DNAH6: variants seen among roughly 807,000 people sequenced by gnomAD.
The protein encoded by DNAH6 is dynein axonemal heavy chain 6.
DNAH6 carries 340 observed loss-of-function variants against 491.4 expected under a neutral mutation model. The ratio of observed to expected loss-of-function variants is 0.69; its 90% CI spans 0.63 to 0.76. The LOEUF (loss-of-function observed/expected upper bound fraction) is 0.76. Ranked by LOEUF, DNAH6 falls within the 30% of genes least tolerant of loss-of-function variation. The pLI is 0.00. For missense variants in DNAH6, 4,443 were observed against 4,972.2 expected (o/e 0.89, Z 3.20); for synonymous variants, 1,603 against 1,686.1 (o/e 0.95, Z 1.21).
chr2:84,690,941 G>A (rs1482820756), intron 45 of DNAH6, among the ~76,000 whole-genome samples: 1 of 152,084 alleles, frequency 6.6e-6, no homozygotes, highest in African/African-American at 2.4e-5. Context: ...TTTAACTCGG[G>A]GGGAAAAATT....
chr2:84,625,049 G>A lies in DNAH6; in HGVS notation c.4501G>A (p.Gly1501Ser). The A allele has an allele frequency of 6.5e-7, 1 of 1,544,916 alleles. No homozygotes were observed. Among genetic ancestry groups the A allele is most frequent in the Non-Finnish European group, 8.7e-7 (1 of 1,144,518 alleles). Residue 1501 changes from glycine to serine, a missense_variant, in exon 29 of 77, where the codon GGT (glycine) becomes AGT (serine). Coordinates refer to ENST00000389394, the MANE Select transcript of DNAH6 (RefSeq NM_001370.2). ...GTGTGTGGTCTTTAACTGTTCAGAT[G>A]GTTTGGACTACAAGGTACAGTTCTT... Reference protein sequence around the residue: ...IQCVVFNCSDGLDYKMMGRFF... With the variant: ...IQCVVFNCSDSLDYKMMGRFF...
chr2:84,602,990 ACATT>A (rs1685411521), intron 18 of DNAH6, among the ~76,000 whole-genome samples: 2 of 151,794 alleles, frequency 1.3e-5, no homozygotes, highest in East Asian at 3.9e-4. Context: ...CTCTCTGTTG[ACATT>A]TCCCAACTGA....
chr2:84,471,479 G>T, the DNAH6 span, among the ~76,000 whole-genome samples: 1 of 152,152 alleles, frequency 6.6e-6, no homozygotes, highest in African/African-American at 2.4e-5. Context: ...GCTGAATAGG[G>T]GCGATGATAT....
At chr2:84,636,825 T>G (rs765488294) in intron 30 of DNAH6, among the ~76,000 whole-genome samples, 11 of 151,862 alleles carry the variant, frequency 7.2e-5, no homozygotes, top group Non-Finnish European at 1.3e-4. Flanking sequence ...GCCTGAGATG[T>G]CAAGGCTGCA....
chr2:84,521,230 T>G (rs556603683), intron 2 of DNAH6, among the ~76,000 whole-genome samples: 1 of 152,088 alleles, frequency 6.6e-6, no homozygotes, highest in Non-Finnish European at 1.5e-5. Flanking sequence ...ACCAGTGATA[T>G]TGAGCTTTTT....
chr2:84,588,989 G>A (rs984193628), intron 16 of DNAH6, 35 bp downstream of exon 16: 10 of 1,520,592 alleles, frequency 6.6e-6, no homozygotes, highest in Non-Finnish European at 7.9e-6. Flanking sequence ...TCTTAGAAAT[G>A]TGTGTATAGA....
chr2:84,514,412 G>T (rs1196899580), upstream of DNAH6, among the ~76,000 whole-genome samples: 10 of 152,058 alleles, frequency 6.6e-5, no homozygotes. Flanking sequence ...CTAACATAAG[G>T]TTATTGCAAT....
intron 29 of DNAH6, among the ~76,000 whole-genome samples, chr2:84,632,352 CCCCACTCTCCTCCT>C (rs377030543): frequency 1.4e-3 from 220 of 152,276 alleles, no homozygotes; most frequent in African/African-American, 5.1e-3. Context: ...ATTTCAAACC[CCCCACTCTCCTCCT>C]CAGCCAGGCA....
At chr2:84,570,915 C>A (rs1573054673) in intron 11 of DNAH6, among the ~76,000 whole-genome samples, 1 of 152,242 alleles carries the variant, frequency 6.6e-6, no homozygotes, top group South Asian at 2.1e-4. Flanking sequence ...ATGAAGTCAG[C>A]AAGACCACGA....
upstream of DNAH6, among the ~76,000 whole-genome samples, chr2:84,514,867 T>TCACACACACACACACA (rs58335460): frequency 0.047 from 6,554 of 138,964 alleles, 230 homozygotes; most frequent in South Asian, 0.071. Context: ...TTCACCACAG[T>TCACACACACACACACA]CACACACACA....
chr2:84,597,968 G>A (rs1684772400), intron 18 of DNAH6, among the ~76,000 whole-genome samples: 1 of 151,100 alleles, frequency 6.6e-6, no homozygotes, highest in Non-Finnish European at 1.5e-5. Context: ...AAACAAATAA[G>A]ATAAAAAATT....
rs1558767472 is a variant in DNAH6, at chr2:84,594,058, G to A, written c.2697G>A (p.Trp899Ter). The change falls in exon 17 of 77, where the codon TGG (tryptophan) becomes TGA (stop). Residue 899 changes from tryptophan (W) to a stop codon, truncating the protein, a stop_gained. Transcript: ENST00000389394. LOFTEE classifies it high-confidence loss of function. Reference protein sequence around the residue: ...KQLLWDSFSEWDKLQQEWLKS... With the variant: ...KQLLWDSFSE ...TGCTCTGGGATTCTTTCTCTGAATG[G>A]GATAAACTCCAACAAGAATGGTTAA... is the stretch of plus-strand genomic sequence containing the variant. 3 of 1,548,954 alleles carry A rather than the reference G, an allele frequency of 1.9e-6. No homozygotes were observed. Among genetic ancestry groups the A allele is most frequent in the Non-Finnish European group, 2.6e-6 (3 of 1,145,052 alleles).
At chr2:84,749,097 G>T (rs1241949624) in intron 63 of DNAH6, among the ~76,000 whole-genome samples, 8 of 152,172 alleles carry the variant, frequency 5.3e-5, no homozygotes, top group Admixed American at 4.6e-4. Context: ...CCACCTCCAT[G>T]ACCCAAACAC....
At chr2:84,787,848 G>A (rs995156707) in intron 68 of DNAH6, among the ~76,000 whole-genome samples, 2 of 152,168 alleles carry the variant, frequency 1.3e-5, no homozygotes, top group Non-Finnish European at 2.9e-5. Context: ...TATTAACTGT[G>A]ACTACATAGG....
intron 18 of DNAH6, among the ~76,000 whole-genome samples, chr2:84,601,828 A>T (rs1403511233): frequency 6.6e-6 from 1 of 151,510 alleles, no homozygotes; most frequent in East Asian, 1.9e-4. Flanking sequence ...ATATTTTATG[A>T]TTCCATTTTA....
chr2:84,764,525 A>G (rs1472730542), intron 64 of DNAH6, among the ~76,000 whole-genome samples: 2 of 152,160 alleles, frequency 1.3e-5, no homozygotes, highest in East Asian at 3.8e-4. Context: ...AAATAAGCAA[A>G]AATTATTTGG....
At chr2:84,509,457 C>G in the DNAH6 span, among the ~76,000 whole-genome samples, 110 of 152,228 alleles carry the variant, frequency 7.2e-4, no homozygotes, top group African/African-American at 2.5e-3. Context: ...TTATTTTGAA[C>G]CTATGTGTGT....
In DNAH6 at chr2:84,558,765, C is replaced by T. The variant is rs538066123; in HGVS notation, c.1803+830C>T. Among the ~76,000 whole-genome samples the T allele has an allele frequency of 1.8e-4, 27 of 152,264 alleles. No homozygotes were observed. The South Asian group carries it at 5.6e-3, about 32-fold the overall frequency. On this transcript the variant is annotated intron_variant, in intron 11 of 76. Transcript: ENST00000389394. ...TTGTCCCAATTTTTAAACTCAAAAG[C>T]TCACTTATTGAGGTGATCGATGTGA...
intron 68 of DNAH6, among the ~76,000 whole-genome samples, chr2:84,788,104 A>G (rs1677383594): frequency 6.6e-6 from 1 of 152,202 alleles, no homozygotes; most frequent in Non-Finnish European, 1.5e-5. Flanking sequence ...AACAGTAAAA[A>G]TAGATTAGGA....
Sources: gnomAD v4.1 joint callset for allele counts (sites outside exome capture counted in the v4.1 genomes callset) on GRCh38, gnomAD v4.1.1 for gene constraint, MANE v1.5 for transcripts, NCBI Gene and HGNC (gene_info 2026-07-23, HGNC 2026-07-21) for gene names.